Variants in EYS observed in about 807,000 individuals in gnomAD.
EYS encodes the protein protein eyes shut homolog.
EYS carries 250 observed loss-of-function variants against 282.1 expected under a neutral mutation model. That is an observed-to-expected ratio of 0.89 (90% confidence interval 0.80 to 0.98). The LOEUF is 0.98. Among genes scored for constraint, EYS ranks in the 50% least tolerant of loss-of-function variants. The probability of loss-of-function intolerance (pLI) is 0.00; values close to 1 mark genes in which losing one functional copy is unlikely to be tolerated. For synonymous variants in EYS, 1,355 were observed against 1,282.9 expected, an observed-to-expected ratio of 1.06 and a Z score of -1.20; for missense variants, 4,016 against 3,709.0, an observed-to-expected ratio of 1.08 and a Z score of -2.15.
chr6:64,100,687 C>T (rs922626052), intron 31 of EYS, among the ~76,000 whole-genome samples: 1 of 151,196 alleles, frequency 6.6e-6, no homozygotes, highest in African/African-American at 2.5e-5. Flanking sequence ...CATACTGGCA[C>T]TTCTTATATT....
intron 5 of EYS, among the ~76,000 whole-genome samples, chr6:65,479,842 C>G (rs888228770): frequency 3.3e-5 from 5 of 151,920 alleles, no homozygotes; most frequent in Admixed American, 1.3e-4. Flanking sequence ...AACTTTTGCT[C>G]ATCAAAGTAC....
intron 34 of EYS, among the ~76,000 whole-genome samples, chr6:63,986,925 A>T (rs1161780953): frequency 7.1e-6 from 1 of 140,642 alleles, no homozygotes; most frequent in African/African-American, 2.7e-5. Flanking sequence ...CCCCAAACCT[A>T]AAATAAAAGT....
chr6:65,695,748 T>A (rs2149848002), intron 1 of EYS, among the ~76,000 whole-genome samples: 1 of 152,128 alleles, frequency 6.6e-6, no homozygotes, highest in African/African-American at 2.4e-5. Context: ...GTCAAAAAGT[T>A]GATTTTTTTG....
intron 12 of EYS, among the ~76,000 whole-genome samples, chr6:65,280,315 C>T (rs1287274549): frequency 6.6e-6 from 1 of 152,102 alleles, no homozygotes; most frequent in African/African-American, 2.4e-5. Context: ...ACTGAGTGTT[C>T]TCACTAGGAA....
chr6:64,592,063 C>G, intron 25 of EYS, 74 bp from the exon 26 acceptor site: 1 of 1,119,014 alleles, frequency 8.9e-7, no homozygotes, highest in Non-Finnish European at 1.2e-6. Context: ...TGGGATAAAT[C>G]TCAGGCAAAT....
At chr6:65,397,453 A>AT (rs1177070165) in intron 7 of EYS, among the ~76,000 whole-genome samples, 1 of 152,006 alleles carries the variant, frequency 6.6e-6, no homozygotes, top group East Asian at 1.9e-4. Context: ...GTTTCCACTT[A>AT]TAAGTGAAAA....
chr6:64,606,034 T>C (rs1323500901), intron 24 of EYS, among the ~76,000 whole-genome samples: 2 of 152,030 alleles, frequency 1.3e-5, no homozygotes, highest in African/African-American at 4.8e-5. Flanking sequence ...GTTATGTGTT[T>C]ACATTTTATG....
intron 12 of EYS, among the ~76,000 whole-genome samples, chr6:65,107,396 A>AT (rs34851312): frequency 0.26 from 38,967 of 151,076 alleles, 6,129 homozygotes; most frequent in African/African-American, 0.44. Flanking sequence ...GTTATATAAC[A>AT]CCTACAATAT....
intron 33 of EYS, among the ~76,000 whole-genome samples, chr6:64,039,294 AAAG>A (rs1401116992): frequency 6.6e-6 from 1 of 152,214 alleles, no homozygotes; most frequent in African/African-American, 2.4e-5. Flanking sequence ...GATGGTTACT[AAAG>A]AAGAAAACTG....
chr6:63,801,315 T>C (rs56302757), intron 37 of EYS, among the ~76,000 whole-genome samples: 21,640 of 151,800 alleles, frequency 0.14, 1,745 homozygotes, highest in African/African-American at 0.22. Context: ...AATGGAGAGA[T>C]CTTGTGTTTC....
At chr6:65,427,534 A>C (rs1284444770) in intron 5 of EYS, among the ~76,000 whole-genome samples, 1 of 152,090 alleles carries the variant, frequency 6.6e-6, no homozygotes, top group Admixed American at 6.5e-5. Context: ...TTTAAAAATA[A>C]ATATGTACAT....
chr6:64,626,114 T>A lies in EYS; in HGVS notation c.3568+7A>T. The A allele has an allele frequency of 6.6e-7, 1 of 1,510,200 alleles. No individual in the cohort carries two copies. Among genetic ancestry groups the A allele is most frequent in the South Asian group, 1.2e-5 (1 of 80,380 alleles). 93.5% of individuals were successfully genotyped at this position (1,510,200 alleles called of 1,614,324 possible). ...TGCAGTATGCTTATTATTTTTAAAA[T>A]AATTACCTGGTTGGCATTTGCAAAC... On this transcript the variant is annotated splice_region_variant and intron_variant, in intron 23 of 42. Coordinates refer to ENST00000503581, the MANE Select transcript of EYS (RefSeq NM_001142800.2).
At chr6:63,891,214 G>A (rs1773398038) in intron 35 of EYS, among the ~76,000 whole-genome samples, 1 of 150,340 alleles carries the variant, frequency 6.7e-6, no homozygotes. Context: ...GAAGAAGAGG[G>A]TTTCCACCCT....
At chr6:64,282,884 G>T (rs1768358601) in intron 30 of EYS, among the ~76,000 whole-genome samples, 1 of 152,040 alleles carries the variant, frequency 6.6e-6, no homozygotes, top group African/African-American at 2.4e-5. Flanking sequence ...ACTATTTCCT[G>T]AACTTCAGTT....
At chr6:64,395,394 G>A (rs148360744) in intron 28 of EYS, among the ~76,000 whole-genome samples, 46,897 of 151,938 alleles carry the variant, frequency 0.31, 7,224 homozygotes, top group East Asian at 0.46. Context: ...AATGTCCAAC[G>A]ATGATAGACT....
intron 14 of EYS, among the ~76,000 whole-genome samples, chr6:64,993,315 A>G (rs1771135206): frequency 6.6e-6 from 1 of 151,830 alleles, no homozygotes; most frequent in Non-Finnish European, 1.5e-5. Context: ...TAGCAGCATG[A>G]TTTATAATCC....
At chr6:64,589,863 A>G (rs952787066) in intron 26 of EYS, among the ~76,000 whole-genome samples, 3 of 152,100 alleles carry the variant, frequency 2.0e-5, no homozygotes, top group Admixed American at 2.0e-4. Context: ...TAGAAAGAGT[A>G]TGTTATATTG....
In EYS at chr6:64,538,410, A is replaced by G. The variant is rs113573961; in HGVS notation, c.5644+51813T>C. Among the ~76,000 whole-genome samples, 1,314 of 152,330 alleles carry G rather than the reference A, an allele frequency of 8.6e-3. 16 individuals are homozygous for G. Among genetic ancestry groups the G allele is most frequent in the African/African-American group, 0.03 (1,257 of 41,574 alleles). ...CTGGAGCCAGAAATAGGCAAATTCT[A>G]TAATTGGTAAGGTATGCATATTTAG... On this transcript the variant is annotated intron_variant, in intron 26 of 42. Transcript: ENST00000503581.
chr6:65,513,256 T>C lies in EYS; in HGVS notation c.-332-17263A>G, dbSNP rs531184544. Among the ~76,000 whole-genome samples the C allele has an allele frequency of 7.7e-3, 1,165 of 152,258 alleles. 17 individuals are homozygous for C. Among genetic ancestry groups the C allele is most frequent in the African/African-American group, 0.025 (1,045 of 41,536 alleles). On this transcript the variant is annotated intron_variant, in intron 2 of 42. Coordinates refer to ENST00000503581, the MANE Select transcript of EYS (RefSeq NM_001142800.2). ...CTAAACCAGGAAGAAGTTGAATCTC[T>C]GAATAGACCAATAACAGGCTCTGAA...
Sources: gnomAD v4.1 joint callset for allele counts (sites outside exome capture counted in the v4.1 genomes callset) on GRCh38, gnomAD v4.1.1 for gene constraint, MANE v1.5 for transcripts, NCBI Gene and HGNC (gene_info 2026-07-23, HGNC 2026-07-21) for gene names.